Variants in NBPF9 observed in about 807,000 individuals in gnomAD.
NBPF9 encodes the protein NBPF family member NBPF9.
In NBPF9, 91 loss-of-function variants were observed where a neutral mutation model predicts 97.8. That is an observed-to-expected ratio of 0.93 (90% CI 0.79 to 1.11). The LOEUF is 1.11. Among genes scored for constraint, NBPF9 ranks in the 50% least tolerant of loss-of-function variants. NBPF9 has a pLI of 0.00. For synonymous variants in NBPF9, 334 were observed against 359.5 expected (o/e 0.93, Z 0.80); for missense variants, 992 against 939.5 (o/e 1.06, Z -0.73).
At position 149,057,865 on chromosome 1, in the gene NBPF9, G is replaced by T. The variant is rs2078327907; in HGVS notation, c.2810+299C>A. On this transcript the variant is annotated intron_variant, in intron 27 of 29. Coordinates refer to ENST00000584027, the Ensembl canonical transcript of NBPF9. ...GCCCTCAGGACACACAGCATACAGG[G>T]ATCATGAAAAGACTGTGCTCAATAA... Among the ~76,000 whole-genome samples, 7 of 79,142 alleles carry T rather than the reference G, an allele frequency of 8.8e-5. No homozygotes were observed. In the East Asian group the frequency reaches 3.2e-3, roughly 36 times the overall value. The allele number at this position is 79,142 out of a possible 152,430, so 51.9% of individuals were successfully genotyped here. A position where few individuals can be genotyped will look rare whatever the true frequency, so the allele number is the denominator to read the frequency against.
Position 149,060,278 on chromosome 1 carries a change from G to A in NBPF9, c.2476+245C>T, listed in dbSNP as rs1412045583. 2.2e-4 allele frequency: 74 copies of A among 340,336 alleles called. 17 individuals are homozygous for A. Among genetic ancestry groups the A allele is most frequent in the African/African-American group, 1.7e-3 (58 of 34,516 alleles). The allele number at this position is 340,336 out of a possible 1,614,324, so 21.1% of individuals were successfully genotyped here. A position where few individuals can be genotyped will look rare whatever the true frequency, so the allele number is the denominator to read the frequency against. Reference sequence around the variant, plus strand: ...TTTGTCACATCTGCCCAGGTCCAATGTCATGAGGATAGGATCAGGGCGCCA... The same window carrying A: ...TTTGTCACATCTGCCCAGGTCCAATATCATGAGGATAGGATCAGGGCGCCA... On this transcript the variant is annotated intron_variant, in intron 24 of 29. Transcript: ENST00000584027.
Position 149,055,530 on chromosome 1 carries a change from T to C in NBPF9, c.*126A>G, listed in dbSNP as rs12124435. The C allele has an allele frequency of 5.8e-5, 90 of 1,560,046 alleles. No homozygotes were observed. In the East Asian group the frequency reaches 1.9e-3, roughly 32 times the overall value. ...CACTGGCATGGTTTGAGAATAGGAA[T>C]AGAGCCATGCCCACTGACCCATCCT... On this transcript the variant is annotated 3_prime_UTR_variant, in exon 30 of 30. Coordinates refer to ENST00000584027, the Ensembl canonical transcript of NBPF9.
intron 11 of NBPF9, among the ~76,000 whole-genome samples, chr1:149,076,890 T>A (rs1165624837): frequency 2.0e-5 from 3 of 151,550 alleles, no homozygotes; most frequent in African/African-American, 7.3e-5. Flanking sequence ...GGGAGGATCA[T>A]CTCAGCCCAT....
At chr1:149,087,671 G>T (rs1212470959) in intron 5 of NBPF9, among the ~76,000 whole-genome samples, 1 of 150,414 alleles carries the variant, frequency 6.6e-6, no homozygotes, top group African/African-American at 2.4e-5. Context: ...CATTGGATCT[G>T]GAGATCAATT....
At chr1:149,082,035 G>C (rs782110646) in exon 7 of NBPF9, 67 of 1,610,322 alleles carry the variant, frequency 4.2e-5, no homozygotes, top group Non-Finnish European at 5.4e-5. Flanking sequence ...TGAGGTTTCC[G>C]AACTGCTGTT....
intron 12 of NBPF9, among the ~76,000 whole-genome samples, chr1:149,074,349 C>A (rs61809869): frequency 6.6e-6 from 1 of 151,362 alleles, no homozygotes; most frequent in African/African-American, 2.4e-5. Context: ...TAAATCATAT[C>A]TTCAGTTATG....
intron 17 of NBPF9, among the ~76,000 whole-genome samples, chr1:149,068,443 A>C (rs1316808555): frequency 2.7e-5 from 4 of 149,194 alleles, no homozygotes; most frequent in Non-Finnish European, 5.9e-5. Context: ...TCTACCAAGC[A>C]AATGGAAAAC....
At chr1:149,064,017 GACACAC>G (rs72022450) in intron 19 of NBPF9, among the ~76,000 whole-genome samples, 1 of 101,748 alleles carries the variant, frequency 9.8e-6, no homozygotes, top group African/African-American at 3.8e-5. Context: ...CACAGACACA[GACACAC>G]ACACACACAC....
At chr1:149,083,264 TAAC>T (rs2080686868) in intron 5 of NBPF9, among the ~76,000 whole-genome samples, 1 of 126,462 alleles carries the variant, frequency 7.9e-6, no homozygotes, top group Non-Finnish European at 1.6e-5. Flanking sequence ...GTTTACTTGA[TAAC>T]TACTGTGCAT....
At chr1:149,055,931 C>T (rs782701595) in intron 29 of NBPF9, 32 bp from the exon 30 acceptor site, 12 of 1,611,580 alleles carry the variant, frequency 7.4e-6, no homozygotes, top group Non-Finnish European at 1.0e-5. Context: ...AAGAAGCAGC[C>T]AGGGAAAATC....
intron 11 of NBPF9, among the ~76,000 whole-genome samples, chr1:149,076,276 C>T (rs1432008181): frequency 6.6e-6 from 1 of 151,280 alleles, no homozygotes; most frequent in Non-Finnish European, 1.5e-5. Flanking sequence ...CAGCTCACTG[C>T]CACCTCTGCC....
At chr1:149,071,415 C>G (rs1479066201) in intron 15 of NBPF9, among the ~76,000 whole-genome samples, 189 bp downstream of exon 15, 1 of 148,616 alleles carries the variant, frequency 6.7e-6, no homozygotes, top group Non-Finnish European at 1.5e-5. Flanking sequence ...ACGGTGCAGA[C>G]ATGACACTCG....
chr1:149,054,505 C>A (rs2078085433), exon 30 of NBPF9: 2 of 123,564 alleles, frequency 1.6e-5, no homozygotes, highest in African/African-American at 5.8e-5. Flanking sequence ...ACAAACTAGA[C>A]CTTCTCTGCC....
intron 4 of NBPF9, among the ~76,000 whole-genome samples, chr1:149,095,570 A>G (rs2081694378): frequency 6.8e-6 from 1 of 147,444 alleles, no homozygotes; most frequent in Admixed American, 6.8e-5. Context: ...AATCTGATGG[A>G]AAAACTGCTG....
In NBPF9 at chr1:149,060,265, G is replaced by T. The variant is rs1330416423; in HGVS notation, c.2476+258C>A. On this transcript the variant is annotated intron_variant, in intron 24 of 29. Transcript: ENST00000584027. ...ATAGTTCTCTGAATTTGTCACATCT[G>T]CCCAGGTCCAATGTCATGAGGATAG... The T allele has an allele frequency of 2.3e-5, 7 of 308,162 alleles. 2 individuals are homozygous for T. The highest frequency in any genetic ancestry group is 4.3e-5 in the Non-Finnish European group (7 of 162,010). The allele number at this position is 308,162 out of a possible 1,614,324, so 19.1% of individuals were successfully genotyped here.
chr1:149,093,024 C>T (rs1176050903), intron 4 of NBPF9, among the ~76,000 whole-genome samples: 3 of 151,626 alleles, frequency 2.0e-5, no homozygotes, highest in South Asian at 2.1e-4. Flanking sequence ...GGACCCATGC[C>T]GGCACTGGCC....
chr1:149,085,264 C>G (rs2080896393), intron 5 of NBPF9, among the ~76,000 whole-genome samples: 1 of 151,934 alleles, frequency 6.6e-6, no homozygotes, highest in African/African-American at 2.4e-5. Flanking sequence ...AAAAAAAAAT[C>G]AATAACTGTA....
At chr1:149,062,525 G>A (rs1171693630) in intron 21 of NBPF9, among the ~76,000 whole-genome samples, 1 of 143,706 alleles carries the variant, frequency 7.0e-6, no homozygotes, top group Non-Finnish European at 1.5e-5. Flanking sequence ...ACTGATGAAG[G>A]GGTCAAAGGA....
chr1:149,076,543 C>T (rs1338226355), intron 11 of NBPF9, among the ~76,000 whole-genome samples: 2 of 148,824 alleles, frequency 1.3e-5, no homozygotes, highest in African/African-American at 4.9e-5. Context: ...CGCTCTGTCT[C>T]CCAGGCTGGA....
Sources: gnomAD v4.1 joint callset for allele counts (sites outside exome capture counted in the v4.1 genomes callset) on GRCh38, gnomAD v4.1.1 for gene constraint, MANE v1.5 for transcripts, NCBI Gene and HGNC (gene_info 2026-07-23, HGNC 2026-07-21) for gene names.